ERGIC1: variants seen among roughly 807,000 people sequenced by gnomAD.
The protein encoded by ERGIC1 is endoplasmic reticulum-golgi intermediate compartment 1, also known as endoplasmic reticulum-Golgi intermediate compartment protein 1.
ERGIC1 carries 19 observed loss-of-function variants against 38.3 expected under a neutral mutation model. That is an observed-to-expected ratio of 0.50 (90% CI 0.35 to 0.73). ERGIC1 has a LOEUF of 0.73. Ranked by LOEUF, ERGIC1 falls within the 30% of genes least tolerant of loss-of-function variation. The pLI is 0.01. For synonymous variants in ERGIC1, 124 were observed against 157.6 expected (o/e 0.79, Z 1.60); for missense variants, 294 against 389.2 (o/e 0.76, Z 2.06).
At chr5:172,923,879 C>A in intron 5 of ERGIC1, 126 bp from the exon 6 acceptor site, 1 of 811,906 alleles carries the variant, frequency 1.2e-6, no homozygotes. Flanking sequence ...GAAAATGATA[C>A]AAGCAGGATC....
intron 4 of ERGIC1, among the ~76,000 whole-genome samples, chr5:172,910,794 A>C (rs1300294791): frequency 6.6e-6 from 1 of 152,024 alleles, no homozygotes; most frequent in Non-Finnish European, 1.5e-5. Context: ...CAAAGTGCTG[A>C]GATTACAGGC....
chr5:172,946,511 G>A (rs1255810493), intron 9 of ERGIC1, among the ~76,000 whole-genome samples: 2 of 152,140 alleles, frequency 1.3e-5, no homozygotes, highest in East Asian at 1.9e-4. Flanking sequence ...TCTTGCTGCC[G>A]CCCATGTAGG....
chr5:172,843,147 A>G (rs1457342139), intron 1 of ERGIC1, among the ~76,000 whole-genome samples: 1 of 152,252 alleles, frequency 6.6e-6, no homozygotes, highest in Non-Finnish European at 1.5e-5. Context: ...CTCCGTCTCA[A>G]AAATTAAATA....
Position 172,863,208 on chromosome 5 carries a change from C to T in ERGIC1, c.21-25491C>T, listed in dbSNP as rs930881516. ...TCAAGTGATCCGCCCACCTCGGCCT[C>T]CCATAGTGCTGGGATTACAGGCGTG... On this transcript the variant is annotated intron_variant, in intron 1 of 9. Transcript: ENST00000393784. 1.6e-4 allele frequency among the ~76,000 whole-genome samples: 24 copies of T among 152,200 alleles called. 1 individual carries two copies. Among genetic ancestry groups the T allele is most frequent in the African/African-American group, 5.6e-4 (23 of 41,438 alleles).
At chr5:172,929,810 G>C (rs931501691) in intron 7 of ERGIC1, among the ~76,000 whole-genome samples, 2 of 152,130 alleles carry the variant, frequency 1.3e-5, no homozygotes, top group African/African-American at 2.4e-5. Context: ...CTAGGTTCTG[G>C]GGATAGAGAG....
intron 9 of ERGIC1, 44 bp from the exon 10 acceptor site, chr5:172,950,665 G>T: frequency 6.4e-7 from 1 of 1,571,242 alleles, no homozygotes; most frequent in Non-Finnish European, 8.7e-7. Context: ...TCATCCTCCA[G>T]CACTGACTTC....
intron 1 of ERGIC1, among the ~76,000 whole-genome samples, chr5:172,844,196 G>T (rs965271887): frequency 6.6e-6 from 1 of 152,208 alleles, no homozygotes; most frequent in African/African-American, 2.4e-5. Flanking sequence ...TGGTAAGGGA[G>T]AAAGTGGCCA....
chr5:172,905,599 C>T, intron 3 of ERGIC1: 1 of 368,482 alleles, frequency 2.7e-6, no homozygotes. Flanking sequence ...TGGCCAGCCT[C>T]TAGTCCGATC....
chr5:172,902,244 T>TTGGAGGTCACC (rs1389653388), intron 3 of ERGIC1, among the ~76,000 whole-genome samples: 1 of 152,056 alleles, frequency 6.6e-6, no homozygotes, highest in African/African-American at 2.4e-5. Context: ...AGGTGGGAGC[T>TTGGAGGTCACC]TGGAGGTCAC....
chr5:172,881,186 G>A (rs1295707470), intron 1 of ERGIC1, among the ~76,000 whole-genome samples: 1 of 152,162 alleles, frequency 6.6e-6, no homozygotes, highest in East Asian at 1.9e-4. Context: ...GGCGGAGGTT[G>A]CGATGAGCTG....
intron 1 of ERGIC1, among the ~76,000 whole-genome samples, chr5:172,841,829 T>G (rs1213268779): frequency 1.3e-5 from 2 of 152,218 alleles, no homozygotes; most frequent in African/African-American, 4.8e-5. Flanking sequence ...CAATGATTCA[T>G]GATTTATTTT....
chr5:172,843,634 C>T (rs1242433479), intron 1 of ERGIC1, among the ~76,000 whole-genome samples: 2 of 152,218 alleles, frequency 1.3e-5, no homozygotes, highest in Non-Finnish European at 2.9e-5. Context: ...TGGTATGTAG[C>T]GGTCCAACCC....
intron 6 of ERGIC1, among the ~76,000 whole-genome samples, chr5:172,925,095 G>T (rs763821269): frequency 3.3e-5 from 5 of 152,092 alleles, no homozygotes; most frequent in Middle Eastern, 3.4e-3. Flanking sequence ...AAAATTAGCC[G>T]GGCGTGGTGG....
intron 7 of ERGIC1, among the ~76,000 whole-genome samples, chr5:172,927,382 C>T (rs2113458946): frequency 6.6e-6 from 1 of 152,288 alleles, no homozygotes; most frequent in South Asian, 2.1e-4. Flanking sequence ...GTGACCTGCC[C>T]CCCCGACAAA....
At chr5:172,892,311 T>A (rs1762588385) in intron 2 of ERGIC1, among the ~76,000 whole-genome samples, 7 of 152,182 alleles carry the variant, frequency 4.6e-5, no homozygotes, top group African/African-American at 1.7e-4. Context: ...GGCTTCCATC[T>A]TTGTCCTTGA....
chr5:172,926,506 C>T lies in ERGIC1; in HGVS notation c.481-3C>T. ...ACCATCCCCTCACTGCATTTTTCCA[C>T]AGGTCCAGAACATCCACGGAGCTTT... is the stretch of plus-strand genomic sequence containing the variant. On this transcript the variant is annotated splice_region_variant and splice_polypyrimidine_tract_variant and intron_variant, in intron 6 of 9. Coordinates refer to ENST00000393784, the MANE Select transcript of ERGIC1 (RefSeq NM_001031711.3). The surrounding 1 kb of genome is among the most constrained non-coding windows in gnomAD (Gnocchi z 5.2). 6.2e-7 allele frequency: 1 copy of T among 1,613,828 alleles called. No individual in the cohort carries two copies. Among genetic ancestry groups the T allele is most frequent in the Non-Finnish European group, 8.5e-7 (1 of 1,180,004 alleles).
At chr5:172,929,540 G>T (rs1364739997) in intron 7 of ERGIC1, among the ~76,000 whole-genome samples, 1 of 152,126 alleles carries the variant, frequency 6.6e-6, no homozygotes, top group Non-Finnish European at 1.5e-5. Flanking sequence ...CCTTAAAAAT[G>T]GTCATTGCCT....
chr5:172,843,693 C>CT (rs1761217144), intron 1 of ERGIC1, among the ~76,000 whole-genome samples: 3 of 152,230 alleles, frequency 2.0e-5, no homozygotes, highest in African/African-American at 7.2e-5. Context: ...CCTCTGGGGA[C>CT]TGACCACAGG....
Position 172,846,619 on chromosome 5 carries a change from T to C in ERGIC1, c.20+12186T>C, listed in dbSNP as rs1761287254. 6.6e-6 allele frequency among the ~76,000 whole-genome samples: 1 copy of C among 152,116 alleles called. No homozygotes were observed. The highest frequency in any genetic ancestry group is 1.5e-5 in the Non-Finnish European group (1 of 68,026). ...CTGTGCCCTTTGTAAGAAGAGCCAA[T>C]AAGAAGGGCTATAGGAACCATGTCA... On this transcript the variant is annotated intron_variant, in intron 1 of 9. Coordinates refer to ENST00000393784, the MANE Select transcript of ERGIC1 (RefSeq NM_001031711.3). This position sits in a 1 kb window ranked among gnomAD's most constrained non-coding sequence, Gnocchi z 4.0.
Sources: allele counts gnomAD v4.1 joint callset (sites outside exome capture counted in the v4.1 genomes callset), GRCh38; gene constraint gnomAD v4.1.1; non-coding constraint Gnocchi (gnomAD v3.1); transcripts MANE v1.5; gene names NCBI Gene and HGNC (gene_info 2026-07-23, HGNC 2026-07-21).